Variants in SMIM35 observed in about 807,000 individuals in gnomAD.
SMIM35 encodes the protein TMPRSS4 antisense RNA 1 (non-protein coding).
intron 1 of SMIM35, among the ~76,000 whole-genome samples, chr11:118,062,691 G>A (rs1397539263): frequency 6.6e-6 from 1 of 152,150 alleles, no homozygotes; most frequent in African/African-American, 2.4e-5. Context: ...TTGTGTCTCT[G>A]AGTTTCTGCC....
chr11:118,011,315 C>G (rs1001331241), intron 4 of SMIM35, among the ~76,000 whole-genome samples: 2 of 152,214 alleles, frequency 1.3e-5, no homozygotes, highest in African/African-American at 2.4e-5. Context: ...CTACTGAGTT[C>G]TGAGCACTTC....
At chr11:118,035,699 T>C (rs1173122226) in intron 1 of SMIM35, among the ~76,000 whole-genome samples, 1 of 152,094 alleles carries the variant, frequency 6.6e-6, no homozygotes, top group African/African-American at 2.4e-5. Flanking sequence ...CACACAGTGC[T>C]CCCTGCTCAC....
At chr11:118,044,366 G>A (rs1048718528) in intron 1 of SMIM35, among the ~76,000 whole-genome samples, 2 of 148,614 alleles carry the variant, frequency 1.3e-5, no homozygotes, top group Non-Finnish European at 3.0e-5. Flanking sequence ...GCAGCATGAA[G>A]GTAATGGTGG....
intron 4 of SMIM35, among the ~76,000 whole-genome samples, chr11:118,009,396 C>A (rs1339444511): frequency 6.6e-6 from 1 of 152,204 alleles, no homozygotes; most frequent in Non-Finnish European, 1.5e-5. Flanking sequence ...TCTGTTCCCT[C>A]ACCTGTGAGG....
intron 1 of SMIM35, among the ~76,000 whole-genome samples, chr11:118,070,408 C>T (rs1012625547): frequency 3.9e-5 from 6 of 152,148 alleles, no homozygotes; most frequent in African/African-American, 1.4e-4. Flanking sequence ...AACTCCTGAC[C>T]TCAGGTGATC....
intron 1 of SMIM35, chr11:118,025,972 T>C: frequency 3.2e-6 from 1 of 307,930 alleles, no homozygotes; most frequent in South Asian, 2.6e-5. Context: ...CTTTTGTATA[T>C]GGTGAAAGTT....
rs1441618261 is a variant in SMIM35 at position 118,039,102 on chromosome 11, C to T, written c.8-23293G>A. On this transcript the variant is annotated intron_variant, in intron 1 of 4. Transcript: ENST00000689828. ...GTATTGAAGCAGTATAACGTCATGA[C>T]CAAATGTGCCCTTTCTAAAACAACT... Among the ~76,000 whole-genome samples the T allele has an allele frequency of 1.3e-5, 2 of 152,032 alleles. 1 individual carries two copies. Among genetic ancestry groups the T allele is most frequent in the Non-Finnish European group, 2.9e-5 (2 of 68,024 alleles).
At chr11:118,055,789 T>C (rs1944301213) in intron 1 of SMIM35, among the ~76,000 whole-genome samples, 1 of 151,984 alleles carries the variant, frequency 6.6e-6, no homozygotes, top group Non-Finnish European at 1.5e-5. Flanking sequence ...CATCTGGAAA[T>C]GGGAGAAAGA....
intron 1 of SMIM35, among the ~76,000 whole-genome samples, chr11:118,051,571 C>T (rs1315920685): frequency 6.6e-6 from 1 of 152,194 alleles, no homozygotes; most frequent in Non-Finnish European, 1.5e-5. Flanking sequence ...CTGGTGATAG[C>T]CTGAAATTGA....
chr11:118,052,879 C>A (rs1017344315), intron 1 of SMIM35, among the ~76,000 whole-genome samples: 1 of 152,152 alleles, frequency 6.6e-6, no homozygotes, highest in African/African-American at 2.4e-5. Flanking sequence ...GTGCTGCCAC[C>A]ACGCTCAGCA....
intron 1 of SMIM35, among the ~76,000 whole-genome samples, chr11:118,078,480 C>T (rs1054398046): frequency 1.8e-4 from 27 of 152,298 alleles, no homozygotes; most frequent in East Asian, 1.2e-3. Flanking sequence ...ATTCTTAGTG[C>T]GGTTGTAGCT....
chr11:118,022,088 G>T (rs758770418), intron 1 of SMIM35, among the ~76,000 whole-genome samples: 107 of 141,090 alleles, frequency 7.6e-4, no homozygotes, highest in Non-Finnish European at 7.8e-4. Context: ...TCACCAGGCT[G>T]GAGTGCAGTG....
chr11:118,057,486 C>G (rs1371638974), intron 1 of SMIM35, among the ~76,000 whole-genome samples: 1 of 152,138 alleles, frequency 6.6e-6, no homozygotes, highest in African/African-American at 2.4e-5. Context: ...AGATGACACA[C>G]TGCTGGGGGT....
chr11:118,036,042 C>A lies in SMIM35; in HGVS notation c.8-20233G>T, dbSNP rs1266333873. Among the ~76,000 whole-genome samples, 4 of 152,282 alleles carry A rather than the reference C, an allele frequency of 2.6e-5. No individual in the cohort carries two copies. In the East Asian group the frequency reaches 7.7e-4, roughly 29 times the overall value. ...TGCTGGGATTACAGGCACCTGCCAC[C>A]ATGCCTGGCTAATTTTTGTATTTTA... On this transcript the variant is annotated intron_variant, in intron 1 of 4. Coordinates refer to ENST00000689828, the MANE Select transcript of SMIM35 (RefSeq NM_001394165.1).
intron 1 of SMIM35, among the ~76,000 whole-genome samples, chr11:118,049,881 C>A (rs1342022477): frequency 6.6e-6 from 1 of 152,020 alleles, no homozygotes; most frequent in Non-Finnish European, 1.5e-5. Context: ...AACTGTGCCT[C>A]CCACACTAGA....
chr11:118,067,766 A>G (rs1447465746), intron 1 of SMIM35, among the ~76,000 whole-genome samples: 1 of 149,898 alleles, frequency 6.7e-6, no homozygotes, highest in Non-Finnish European at 1.5e-5. Flanking sequence ...CGGGAGATGG[A>G]GGTTGCAGTG....
chr11:118,063,113 C>T (rs1030258834), intron 1 of SMIM35, among the ~76,000 whole-genome samples: 1 of 152,246 alleles, frequency 6.6e-6, no homozygotes, highest in Non-Finnish European at 1.5e-5. Context: ...CCTTGTTTAG[C>T]ATATCATCAA....
At chr11:118,045,041 G>T (rs561847722) in intron 1 of SMIM35, among the ~76,000 whole-genome samples, 3 of 152,138 alleles carry the variant, frequency 2.0e-5, no homozygotes, top group African/African-American at 7.2e-5. Context: ...AGACCCTAGT[G>T]GGAGGCCCTA....
intron 1 of SMIM35, among the ~76,000 whole-genome samples, chr11:118,017,323 C>T (rs1315268298): frequency 6.6e-6 from 1 of 152,166 alleles, no homozygotes; most frequent in Non-Finnish European, 1.5e-5. Context: ...AGCTCCAAGA[C>T]AGCAAGAGCC....
Sources: gnomAD v4.1 joint callset for allele counts (sites outside exome capture counted in the v4.1 genomes callset) on GRCh38, gnomAD v4.1.1 for gene constraint, MANE v1.5 for transcripts, NCBI Gene and HGNC (gene_info 2026-07-23, HGNC 2026-07-21) for gene names.